FRAS1: variants seen among roughly 807,000 people sequenced by gnomAD.
The protein encoded by FRAS1 is extracellular matrix organizing protein FRAS1.
A neutral mutation model predicts 435.2 loss-of-function variants in FRAS1; 290 were observed. The observed-to-expected ratio is 0.67, with a 90% CI of 0.61 to 0.73. The LOEUF is 0.73. FRAS1 is among the 30% of genes least tolerant of loss of function. FRAS1 has a pLI of 0.00. For missense variants in FRAS1, 4,860 were observed against 5,001.5 expected, an observed-to-expected ratio of 0.97 and a Z score of 0.85; for synonymous variants, 1,800 against 1,851.0, an observed-to-expected ratio of 0.97 and a Z score of 0.71.
At chr4:78,211,801 A>G (rs557870157) in intron 2 of FRAS1, among the ~76,000 whole-genome samples, 93 of 152,248 alleles carry the variant, frequency 6.1e-4, no homozygotes, top group Non-Finnish European at 1.0e-3. Flanking sequence ...ATGTTTCTCA[A>G]TTTTTTAAAT....
intron 2 of FRAS1, among the ~76,000 whole-genome samples, chr4:78,171,713 G>T (rs1721569379): frequency 6.6e-6 from 1 of 152,080 alleles, no homozygotes; most frequent in East Asian, 1.9e-4. Flanking sequence ...ATTAGCACCT[G>T]CTATGAAGCC....
chr4:78,451,511 A>G (rs1443193607), intron 45 of FRAS1, among the ~76,000 whole-genome samples: 1 of 152,234 alleles, frequency 6.6e-6, no homozygotes, highest in Non-Finnish European at 1.5e-5. Flanking sequence ...CTGATCTTCC[A>G]AAAAGGCTCA....
At chr4:78,126,537 C>A (rs928574242) in intron 2 of FRAS1, among the ~76,000 whole-genome samples, 1 of 152,152 alleles carries the variant, frequency 6.6e-6, no homozygotes, top group South Asian at 2.1e-4. Flanking sequence ...ATCTTGGAAG[C>A]GAACATATAG....
intron 2 of FRAS1, among the ~76,000 whole-genome samples, chr4:78,080,289 TGGGCTAGAAGAGGAG>T (rs1740835955): frequency 6.6e-6 from 1 of 152,128 alleles, no homozygotes; most frequent in African/African-American, 2.4e-5. Context: ...TGCACTACCT[TGGGCTAGAAGAGGAG>T]GCATAATTGC....
intron 2 of FRAS1, among the ~76,000 whole-genome samples, chr4:78,219,002 G>A (rs1254899550): frequency 2.0e-5 from 3 of 152,076 alleles, no homozygotes; most frequent in Non-Finnish European, 1.5e-5. Context: ...TGTATTTTAG[G>A]GTTCATTTTC....
At chr4:78,241,460 T>G (rs1017825063) in intron 3 of FRAS1, among the ~76,000 whole-genome samples, 3 of 152,148 alleles carry the variant, frequency 2.0e-5, no homozygotes, top group Non-Finnish European at 4.4e-5. Context: ...AGGGTTTTGT[T>G]TTGTTTTACT....
chr4:78,397,962 A>T (rs371482583), intron 29 of FRAS1, among the ~76,000 whole-genome samples: 1 of 149,698 alleles, frequency 6.7e-6, no homozygotes, highest in Admixed American at 6.7e-5. Flanking sequence ...TCTATTGTTG[A>T]TTTTTTTTTT....
chr4:78,509,604 A>G (rs1238877000), intron 63 of FRAS1, among the ~76,000 whole-genome samples: 1 of 152,230 alleles, frequency 6.6e-6, no homozygotes, highest in East Asian at 1.9e-4. Context: ...ATGGGAGGCC[A>G]TGAAAAGACA....
chr4:78,140,881 C>G (rs1169641119), intron 2 of FRAS1, among the ~76,000 whole-genome samples: 1 of 151,868 alleles, frequency 6.6e-6, no homozygotes, highest in Non-Finnish European at 1.5e-5. Flanking sequence ...ATATAAACTA[C>G]TAGCAAAAAA....
rs190777931 is a variant in FRAS1 at position 78,203,076 on chromosome 4, C to G, written c.109-34434C>G. Among the ~76,000 whole-genome samples the G allele has an allele frequency of 2.0e-3, 300 of 152,300 alleles. 2 individuals are homozygous for G. Among genetic ancestry groups the G allele is most frequent in the African/African-American group, 6.5e-3 (270 of 41,556 alleles). ...TGGGGTATTGAAAATAATAATAGGACCATTTCATAATGCCAATTTTGGGAG... is the reference window on the plus strand; with the variant it reads ...TGGGGTATTGAAAATAATAATAGGAGCATTTCATAATGCCAATTTTGGGAG... On this transcript the variant is annotated intron_variant, in intron 2 of 73. Coordinates refer to ENST00000512123, the MANE Select transcript of FRAS1 (RefSeq NM_025074.7).
chr4:78,252,428 T>C lies in FRAS1; in HGVS notation c.346T>C (p.Cys116Arg). ...ATGGGCCTCTTCTCCATGTAGTGTG[T>C]GCTCTTGCAATCATGGGGAAGTCCG... Reference protein sequence around the residue: ...TEWASSPCSVCSCNHGEVRCT... With the variant: ...TEWASSPCSVRSCNHGEVRCT... The change falls in exon 5 of 74, where the codon TGC becomes CGC. Residue 116 changes from cysteine (C) to arginine (R), a missense_variant. Coordinates refer to ENST00000512123, the MANE Select transcript of FRAS1 (RefSeq NM_025074.7). 6.2e-7 allele frequency: 1 copy of C among 1,613,816 alleles called. No individual in the cohort carries two copies. Among genetic ancestry groups the C allele is most frequent in the Non-Finnish European group, 8.5e-7 (1 of 1,179,822 alleles).
At chr4:78,325,667 A>G (rs1402684349) in intron 18 of FRAS1, among the ~76,000 whole-genome samples, 1 of 152,218 alleles carries the variant, frequency 6.6e-6, no homozygotes, top group Non-Finnish European at 1.5e-5. Flanking sequence ...AATACAGGCC[A>G]TGCCTGAAGG....
intron 2 of FRAS1, among the ~76,000 whole-genome samples, chr4:78,112,216 C>G (rs1036499254): frequency 6.6e-6 from 1 of 151,948 alleles, no homozygotes; most frequent in Non-Finnish European, 1.5e-5. Flanking sequence ...AAAGTAATAA[C>G]ATTATTTTAC....
At position 78,398,042 on chromosome 4, in the gene FRAS1, C is replaced by A. The variant is rs558664981; in HGVS notation, c.3976-2692C>A. Among the ~76,000 whole-genome samples, 16 of 152,178 alleles carry A rather than the reference C, an allele frequency of 1.1e-4. No individual in the cohort carries two copies. The South Asian group carries it at 3.3e-3, about 32-fold the overall frequency. ...GCTTCTGTGAAGGTATTGTCATCTG[C>A]AGATGGTTGTGAAAATTAGTGTTCT... On this transcript the variant is annotated intron_variant, in intron 29 of 73. Transcript: ENST00000512123.
rs766022474 is a variant in FRAS1, at chr4:78,379,938, A to T, written c.3505A>T (p.Ser1169Cys). 6.2e-7 allele frequency: 1 copy of T among 1,613,800 alleles called. No homozygotes were observed. Among genetic ancestry groups the T allele is most frequent in the African/African-American group, 1.3e-5 (1 of 74,920 alleles). ...EVQLDKAGRF[S>C]WKDVNEKKVR... ...TCAGCTGGACAAGGCTGGCCGTTTT[A>T]GCTGGAAAGATGTGAACGAGAAGAA... The change falls in exon 27 of 74, where the codon AGC becomes TGC. Residue 1169 changes from serine to cysteine, a missense_variant. Coordinates refer to ENST00000512123, the MANE Select transcript of FRAS1 (RefSeq NM_025074.7).
intron 10 of FRAS1, among the ~76,000 whole-genome samples, chr4:78,280,653 C>G (rs113647024): frequency 4.0e-5 from 6 of 149,948 alleles, no homozygotes; most frequent in African/African-American, 1.5e-4. Flanking sequence ...TCTGGGGAGG[C>G]AGTATTGTGT....
intron 47 of FRAS1, among the ~76,000 whole-genome samples, chr4:78,455,152 C>T (rs992243515): frequency 6.6e-6 from 1 of 152,002 alleles, no homozygotes; most frequent in African/African-American, 2.4e-5. Flanking sequence ...AAACGGACTT[C>T]CCTGCCCTCC....
chr4:78,127,733 T>A (rs557889559), intron 2 of FRAS1, among the ~76,000 whole-genome samples: 4 of 152,102 alleles, frequency 2.6e-5, no homozygotes, highest in Admixed American at 6.5e-5. Flanking sequence ...AAGTTTTTTT[T>A]ATTTATTTAT....
intron 2 of FRAS1, among the ~76,000 whole-genome samples, chr4:78,076,939 A>G (rs1740665510): frequency 6.6e-6 from 1 of 152,218 alleles, no homozygotes; most frequent in African/African-American, 2.4e-5. Flanking sequence ...GGAGATTAAT[A>G]TAAAGTATAA....
Sources: gnomAD v4.1 joint callset for allele counts (sites outside exome capture counted in the v4.1 genomes callset) on GRCh38, gnomAD v4.1.1 for gene constraint, MANE v1.5 for transcripts, NCBI Gene and HGNC (gene_info 2026-07-23, HGNC 2026-07-21) for gene names.